The following ODR4 variants were observed in gnomAD, a reference collection of about 807,000 sequenced individuals.
ODR4 encodes odr-4 GPCR localization factor homolog.
Under a neutral mutation model 60.2 loss-of-function variants are expected in ODR4, and 47 were observed. The observed-to-expected ratio is 0.78, with a 90% CI of 0.62 to 1.00. ODR4 has a LOEUF of 1.00. Among genes scored for constraint, ODR4 ranks in the 50% least tolerant of loss-of-function variants. The pLI is 0.00. For missense variants in ODR4, 488 were observed against 530.8 expected (o/e 0.92, Z 0.79); for synonymous variants, 178 against 175.5 (o/e 1.01, Z -0.11).
the ODR4 span, among the ~76,000 whole-genome samples, chr1:186,430,933 A>G: frequency 2.6e-5 from 4 of 151,684 alleles, no homozygotes; most frequent in African/African-American, 9.7e-5. Flanking sequence ...ATTACTGTGC[A>G]TATACAGATT....
At position 186,389,819 on chromosome 1, in the gene ODR4, A is replaced by G. The variant is rs1324849593; in HGVS notation, c.474+195A>G. Reference sequence around the variant, plus strand: ...ACTTTTTTGTGCGTGACAGGGTCTCACTCTCTTGCCCAAGCTAGAGTGCAG... The same window carrying G: ...ACTTTTTTGTGCGTGACAGGGTCTCGCTCTCTTGCCCAAGCTAGAGTGCAG... On this transcript the variant is annotated intron_variant, in intron 6 of 13. Coordinates refer to ENST00000287859, the MANE Select transcript of ODR4 (RefSeq NM_017847.6). 3.9e-5 allele frequency among the ~76,000 whole-genome samples: 6 copies of G among 152,194 alleles called. No individual in the cohort carries two copies. The East Asian group carries it at 7.7e-4, about 20-fold the overall frequency.
At chr1:186,412,495 T>G (rs1245174947) in intron 12 of ODR4, among the ~76,000 whole-genome samples, 2 of 152,154 alleles carry the variant, frequency 1.3e-5, no homozygotes, top group Non-Finnish European at 2.9e-5. Context: ...ATCAAGCATT[T>G]GTTAAATTGG....
chr1:186,406,341 A>G, intron 12 of ODR4, 73 bp downstream of exon 12: 1 of 1,137,284 alleles, frequency 8.8e-7, no homozygotes, highest in Non-Finnish European at 1.2e-6. Context: ...GTCTAGTTTA[A>G]ATATCATGTC....
At chr1:186,386,355 A>G (rs901465566) in intron 4 of ODR4, among the ~76,000 whole-genome samples, 32 of 152,142 alleles carry the variant, frequency 2.1e-4, no homozygotes, top group Admixed American at 7.2e-4. Context: ...CAGGGCTATC[A>G]TCAGCCCATA....
chr1:186,409,610 T>G (rs1381773801), intron 12 of ODR4, among the ~76,000 whole-genome samples: 3 of 152,194 alleles, frequency 2.0e-5, no homozygotes, highest in Admixed American at 1.3e-4. Flanking sequence ...CAATGTTGCA[T>G]TCTCAGCTCA....
At position 186,385,988 on chromosome 1, in the gene ODR4, G is replaced by GT; in HGVS notation, c.236dup (p.Ser80IlefsTer24). The GT allele has an allele frequency of 6.4e-7, 1 of 1,555,060 alleles. No homozygotes were observed. Among genetic ancestry groups the GT allele is most frequent in the Non-Finnish European group, 8.8e-7 (1 of 1,133,128 alleles). On this transcript the variant is annotated frameshift_variant and splice_region_variant, in exon 4 of 14. Transcript: ENST00000287859. LOFTEE classifies it high-confidence loss of function. ...GCTAATAATATATTTCTATTTTTAGGTATCCAGAATGCTACCAGGGGGACT... is the reference window on the plus strand; with the variant it reads ...GCTAATAATATATTTCTATTTTTAGGTTATCCAGAATGCTACCAGGGGGACT...
intron 11 of ODR4, chr1:186,401,486 CTCTTTCTT>C (rs753329544): frequency 5.4e-6 from 1 of 184,888 alleles, no homozygotes; most frequent in Admixed American, 7.6e-5. Context: ...CTTTCTTTCT[CTCTTTCTT>C]TCTTTCTCTC....
intron 11 of ODR4, among the ~76,000 whole-genome samples, chr1:186,399,674 A>G (rs1660845909): frequency 6.6e-6 from 1 of 152,118 alleles, no homozygotes; most frequent in Non-Finnish European, 1.5e-5. Flanking sequence ...ATCTATGAGT[A>G]TTTTAAATAA....
chr1:186,414,979 A>C (rs1661508767), intron 12 of ODR4, among the ~76,000 whole-genome samples: 1 of 152,166 alleles, frequency 6.6e-6, no homozygotes, highest in Non-Finnish European at 1.5e-5. Context: ...CTAGAACTGA[A>C]GTATTATAGC....
At chr1:186,400,588 C>T (rs1012603987) in intron 11 of ODR4, 13 of 162,190 alleles carry the variant, frequency 8.0e-5, no homozygotes, top group Non-Finnish European at 1.5e-4. Flanking sequence ...CCCACATTAG[C>T]TTTTGAAGGG....
rs182972937 is a variant in ODR4 at position 186,393,949 on chromosome 1, A to G, written c.714A>G (p.Lys238=). Reference sequence around the variant, plus strand: ...TTTTAACTTTTGTGTTTTTTCAGAAAAAATCTTCTAGAGGAAATACTCAAG... The same window carrying G: ...TTTTAACTTTTGTGTTTTTTCAGAAGAAATCTTCTAGAGGAAATACTCAAG... The part of the protein sequence containing the change: ...DEDCDLLEGQ[K]KSSRGNTQAT... The change falls in exon 9 of 14, where the codon AAA becomes AAG. Residue 238 remains lysine (K), a splice_region_variant and synonymous_variant. Coordinates refer to ENST00000287859, the MANE Select transcript of ODR4 (RefSeq NM_017847.6). 3,176 of 1,509,934 alleles carry G rather than the reference A, an allele frequency of 2.1e-3. 4 individuals are homozygous for G. The highest frequency in any genetic ancestry group is 2.6e-3 in the Non-Finnish European group (2,906 of 1,112,546). 93.5% of individuals were successfully genotyped at this position (1,509,934 alleles called of 1,614,324 possible).
At chr1:186,416,632 AT>A (rs1344967282) in intron 12 of ODR4, among the ~76,000 whole-genome samples, 26 of 152,122 alleles carry the variant, frequency 1.7e-4, no homozygotes, top group Admixed American at 1.7e-3. Flanking sequence ...AGACCACGCC[AT>A]TGCACTCCAG....
downstream of ODR4, among the ~76,000 whole-genome samples, chr1:186,422,282 A>G (rs1195968216): frequency 3.3e-5 from 5 of 152,208 alleles, no homozygotes; most frequent in Admixed American, 2.0e-4. Context: ...TACTAGGTCT[A>G]TATAATAATT....
chr1:186,417,116 C>T (rs1246217570), intron 12 of ODR4, among the ~76,000 whole-genome samples: 1 of 151,866 alleles, frequency 6.6e-6, no homozygotes, highest in African/African-American at 2.4e-5. Context: ...GTGCACACCA[C>T]CATGCCCGTC....
At chr1:186,388,569 G>A (rs376147089) in intron 5 of ODR4, 21 bp downstream of exon 5, 21 of 1,345,606 alleles carry the variant, frequency 1.6e-5, no homozygotes, top group Non-Finnish European at 2.1e-5. Flanking sequence ...TTCAGTTTAT[G>A]GTTTAAAAGT....
At chr1:186,416,551 A>G (rs946905732) in intron 12 of ODR4, among the ~76,000 whole-genome samples, 2 of 152,192 alleles carry the variant, frequency 1.3e-5, no homozygotes, top group African/African-American at 4.8e-5. Context: ...GCACCCCTGT[A>G]GTCCCAGCTA....
rs1451803327 is a variant in ODR4 at position 186,420,945 on chromosome 1, G to C, written c.*1869G>C. On this transcript the variant is annotated 3_prime_UTR_variant, in exon 14 of 14. Coordinates refer to ENST00000287859, the MANE Select transcript of ODR4 (RefSeq NM_017847.6). ...AAATAAAATCCAGGCCTAGACTCAA[G>C]GTATTGTAAATGACAAGATACCAAA... 1.3e-5 allele frequency: 2 copies of C among 152,072 alleles called. No individual in the cohort carries two copies. Among genetic ancestry groups the C allele is most frequent in the Non-Finnish European group, 2.9e-5 (2 of 68,026 alleles). The allele number at this position is 152,072 out of a possible 1,614,324, so 9.4% of individuals were successfully genotyped here. A position where few individuals can be genotyped will look rare whatever the true frequency, so the allele number is the denominator to read the frequency against.
intron 2 of ODR4, among the ~76,000 whole-genome samples, chr1:186,380,575 CAAAA>C (rs76089299): frequency 1.5e-5 from 2 of 129,810 alleles, no homozygotes; most frequent in Non-Finnish European, 3.3e-5. Flanking sequence ...AGTACAAAGC[CAAAA>C]AAAAAAAAAA....
the ODR4 span, among the ~76,000 whole-genome samples, chr1:186,429,519 G>T: frequency 1.3e-5 from 2 of 152,028 alleles, no homozygotes; most frequent in African/African-American, 2.4e-5. Context: ...TAAAGAAATA[G>T]TTACTACAAA....
Sources: allele counts gnomAD v4.1 joint callset (sites outside exome capture counted in the v4.1 genomes callset), GRCh38; gene constraint gnomAD v4.1.1; transcripts MANE v1.5; gene names NCBI Gene and HGNC (gene_info 2026-07-23, HGNC 2026-07-21).